MYL5: variants seen among roughly 807,000 people sequenced by gnomAD.
MYL5 encodes the protein myosin regulatory light chain 5.
MYL5 carries 28 observed loss-of-function variants against 20.8 expected under a neutral mutation model. The observed-to-expected ratio is 1.35, with a 90% CI of 1.00 to 1.84. The LOEUF (loss-of-function observed/expected upper bound fraction) is 1.84, where lower values mean the gene tolerates loss of function less well. MYL5 is among the 40% of genes most tolerant of loss of function. MYL5 has a pLI of 0.00. For synonymous variants in MYL5, 118 were observed against 87.4 expected, an observed-to-expected ratio of 1.35 and a Z score of -1.95; for missense variants, 274 against 227.3, an observed-to-expected ratio of 1.21 and a Z score of -1.32.
upstream of MYL5, chr4:675,349 C>T (rs1037147535): frequency 6.6e-6 from 1 of 152,414 alleles, no homozygotes; most frequent in Non-Finnish European, 1.5e-5. Context: ...CTCGGGCCCC[C>T]TTTGGCCCCA....
chr4:679,009 CTGAAGGACA>C, exon 3 of MYL5: 1 of 1,613,786 alleles, frequency 6.2e-7, no homozygotes, highest in Non-Finnish European at 8.5e-7. Context: ...CAAGGAGGAC[CTGAAGGACA>C]CCTATGCCTC....
At chr4:678,149 G>C in intron 1 of MYL5, 120 bp downstream of exon 3, 1 of 1,550,158 alleles carries the variant, frequency 6.5e-7, no homozygotes, top group Non-Finnish European at 8.7e-7. Flanking sequence ...GCAGGTGTGG[G>C]CGTGTGCTCT....
chr4:680,072 G>A (rs1422125805), intron 4 of MYL5, 54 bp downstream of exon 6: 9 of 1,407,902 alleles, frequency 6.4e-6, no homozygotes, highest in Non-Finnish European at 8.8e-6. Flanking sequence ...AACAGTTAGA[G>A]ATCCGGACAT....
upstream of MYL5, among the ~76,000 whole-genome samples, chr4:677,536 C>T (rs2109324303): frequency 6.6e-6 from 1 of 152,332 alleles, no homozygotes; most frequent in East Asian, 1.9e-4. Flanking sequence ...TGACTTCTGT[C>T]ACCAAGGCAG....
intron 2 of MYL5, 96 bp from the exon 5 acceptor site, chr4:678,862 C>T: frequency 6.2e-7 from 1 of 1,608,826 alleles, no homozygotes; most frequent in Non-Finnish European, 8.5e-7. Context: ...GGAGTGGAAG[C>T]CTATCCTCAG....
exon 3 of MYL5, chr4:678,997 G>T: frequency 6.2e-7 from 1 of 1,613,822 alleles, no homozygotes; most frequent in South Asian, 1.1e-5. Flanking sequence ...TGGCTTCATT[G>T]ACAAGGAGGA....
chr4:681,993 G>A (rs371278586), exon 7 of MYL5: 11 of 1,413,938 alleles, frequency 7.8e-6, no homozygotes, highest in Non-Finnish European at 1.0e-5. Flanking sequence ...AAGGAGGAGT[G>A]AGACCCAGCC....
Position 680,611 on chromosome 4 carries a change from G to A in MYL5, c.371+24G>A, listed in dbSNP as rs377113361. On this transcript the variant is annotated intron_variant, in intron 5 of 6. Coordinates refer to ENST00000400159, the Ensembl canonical transcript of MYL5. ...TAGTGAGTGCCCGGGCGGCCAGGGC[G>A]GCCCGGCTTCCGGGGAACCCCAGTG... 114 of 1,608,086 alleles carry A rather than the reference G, an allele frequency of 7.1e-5. No individual in the cohort carries two copies. In the African/African-American group the frequency reaches 9.1e-4, roughly 13 times the overall value.
At chr4:682,010 A>G in exon 7 of MYL5, 1 of 1,425,510 alleles carries the variant, frequency 7.0e-7, no homozygotes, top group Non-Finnish European at 9.3e-7. Flanking sequence ...AGCCGGGTCA[A>G]TAAACCTGGA....
chr4:681,187 C>G, intron 6 of MYL5, 47 bp downstream of exon 8: 1 of 1,575,064 alleles, frequency 6.3e-7, no homozygotes, highest in Non-Finnish European at 8.6e-7. Context: ...GAGGGCGGGG[C>G]TCCCGGGGTC....
At chr4:681,442 C>CA (rs1739509889) in intron 6 of MYL5, among the ~76,000 whole-genome samples, 1 of 150,832 alleles carries the variant, frequency 6.6e-6, no homozygotes. Context: ...AGCCGCCCCC[C>CA]ACCCCCGACG....
At chr4:681,639 CG>C (rs1352897372) in intron 6 of MYL5, among the ~76,000 whole-genome samples, 1 of 69,090 alleles carries the variant, frequency 1.4e-5, no homozygotes, top group Admixed American at 1.3e-4. Flanking sequence ...CCTCCAGCGC[CG>C]CCCCGCCCCC....
intron 6 of MYL5, among the ~76,000 whole-genome samples, chr4:681,631 T>C (rs1418708255): frequency 1.1e-3 from 4 of 3,538 alleles, no homozygotes; most frequent in African/African-American, 2.0e-3. Context: ...CCCCGCCCCC[T>C]CCAGCGCCGC....
chr4:677,841 G>T, upstream of MYL5: 3 of 933,418 alleles, frequency 3.2e-6, no homozygotes, highest in East Asian at 2.5e-5. Context: ...GCAGGGCAAG[G>T]GTGTGAGTCA....
upstream of MYL5, chr4:676,145 C>T (rs1456331274): frequency 1.3e-5 from 2 of 152,266 alleles, no homozygotes; most frequent in Non-Finnish European, 2.9e-5. Flanking sequence ...ACACTGGATC[C>T]ACAAGGCACA....
chr4:681,907 C>A (rs762973255), exon 7 of MYL5: 2 of 1,317,304 alleles, frequency 1.5e-6, no homozygotes, highest in African/African-American at 3.0e-5. Flanking sequence ...ACCAGATGTT[C>A]CAGTTCGCCT....
At chr4:680,617 G>T in intron 5 of MYL5, 30 bp downstream of exon 7, 2 of 1,604,794 alleles carry the variant, frequency 1.2e-6, no homozygotes, top group Non-Finnish European at 1.7e-6. Flanking sequence ...GGGCGGCCCG[G>T]CTTCCGGGGA....
Position 678,653 on chromosome 4 carries a change from C to T in MYL5, c.4-5C>T, listed in dbSNP as rs775430847. Reference sequence around the variant, plus strand: ...GGACCCTCAGCCATGGTGCTCCCACCGCAGGCCAGCAGGAAGACCAAGAAG... The same window carrying T: ...GGACCCTCAGCCATGGTGCTCCCACTGCAGGCCAGCAGGAAGACCAAGAAG... On this transcript the variant is annotated splice_region_variant and splice_polypyrimidine_tract_variant and intron_variant, in intron 1 of 6. Transcript: ENST00000400159. The T allele has an allele frequency of 6.3e-5, 101 of 1,601,826 alleles. No homozygotes were observed. Among genetic ancestry groups the T allele is most frequent in the African/African-American group, 4.4e-4 (33 of 74,834 alleles).
In MYL5 at chr4:678,034, G is replaced by A. The variant is rs375226436; in HGVS notation, c.3+5G>A. ...AAGCAGGCAGAAGCAGGCATGGTGA[G>A]CAGGCCGCCGTGCATGCCTGGGGCA... On this transcript the variant is annotated splice_donor_5th_base_variant and intron_variant, in intron 1 of 6. Coordinates refer to ENST00000400159, the Ensembl canonical transcript of MYL5. The A allele has an allele frequency of 2.2e-5, 35 of 1,613,372 alleles. No homozygotes were observed. The highest frequency in any genetic ancestry group is 2.9e-5 in the Non-Finnish European group (34 of 1,179,944).
Sources: gnomAD v4.1 joint callset for allele counts (sites outside exome capture counted in the v4.1 genomes callset) on GRCh38, gnomAD v4.1.1 for gene constraint, MANE v1.5 for transcripts, NCBI Gene and HGNC (gene_info 2026-07-23, HGNC 2026-07-21) for gene names.